Variants in CEP63 observed in about 807,000 individuals in gnomAD.
CEP63 encodes the protein centrosomal protein of 63 kDa.
A neutral mutation model predicts 89.1 loss-of-function variants in CEP63; 84 were observed. That is an observed-to-expected ratio of 0.94 (90% CI 0.79 to 1.13). The LOEUF is 1.13. Among genes scored for constraint, CEP63 ranks in the 50% most tolerant of loss-of-function variants. The probability of loss-of-function intolerance (pLI) is 0.00; values close to 1 mark genes in which losing one functional copy is unlikely to be tolerated. For synonymous variants in CEP63, 267 were observed against 272.5 expected (o/e 0.98, Z 0.20); for missense variants, 838 against 813.3 (o/e 1.03, Z -0.37).
the CEP63 span, among the ~76,000 whole-genome samples, chr3:134,670,866 G>A: frequency 3.3e-4 from 51 of 152,320 alleles, no homozygotes; most frequent in Admixed American, 1.2e-3. Flanking sequence ...ACATGGAAAC[G>A]TGTGGATGAA....
chr3:134,625,736 G>A, the CEP63 span, among the ~76,000 whole-genome samples: 3 of 152,262 alleles, frequency 2.0e-5, no homozygotes, highest in African/African-American at 7.2e-5. Context: ...GGAGACCTGA[G>A]CATCTCAACC....
chr3:134,705,267 C>T, the CEP63 span, among the ~76,000 whole-genome samples: 3 of 152,130 alleles, frequency 2.0e-5, no homozygotes, highest in Non-Finnish European at 1.5e-5. Flanking sequence ...GGTTTTTGTG[C>T]TGTGTCATAA....
chr3:134,678,566 T>G, the CEP63 span, among the ~76,000 whole-genome samples: 3 of 152,336 alleles, frequency 2.0e-5, no homozygotes, highest in Middle Eastern at 6.8e-3. Flanking sequence ...CTCCAGCCAC[T>G]CACTGTGTTT....
At chr3:134,718,092 T>G in the CEP63 span, among the ~76,000 whole-genome samples, 1 of 152,244 alleles carries the variant, frequency 6.6e-6, no homozygotes, top group East Asian at 1.9e-4. Context: ...GTGGAGGGTC[T>G]GTTAAATCCA....
At chr3:134,503,944 C>A (rs1942787899) in intron 2 of CEP63, among the ~76,000 whole-genome samples, 1 of 151,974 alleles carries the variant, frequency 6.6e-6, no homozygotes. Flanking sequence ...GATATTCAGC[C>A]ATTCTATATC....
At chr3:134,754,120 C>T in the CEP63 span, among the ~76,000 whole-genome samples, 1 of 152,186 alleles carries the variant, frequency 6.6e-6, no homozygotes, top group Non-Finnish European at 1.5e-5. Flanking sequence ...GTGAATGGCC[C>T]CTGCTGGGGT....
the CEP63 span, among the ~76,000 whole-genome samples, chr3:134,628,995 C>T: frequency 2.0e-5 from 3 of 152,322 alleles, no homozygotes; most frequent in Non-Finnish European, 2.9e-5. Flanking sequence ...TGTTACTTAA[C>T]CTGCATTCTT....
At chr3:134,505,342 C>T (rs892742386) in intron 2 of CEP63, among the ~76,000 whole-genome samples, 3 of 151,858 alleles carry the variant, frequency 2.0e-5, no homozygotes, top group Non-Finnish European at 2.9e-5. Flanking sequence ...TCAGTGGGTG[C>T]AAGAGTGTAG....
At chr3:134,674,551 C>G in the CEP63 span, among the ~76,000 whole-genome samples, 1 of 152,212 alleles carries the variant, frequency 6.6e-6, no homozygotes, top group Non-Finnish European at 1.5e-5. Flanking sequence ...TCTGCTCTTA[C>G]CATTGCTACT....
the CEP63 span, among the ~76,000 whole-genome samples, chr3:134,757,572 A>T: frequency 6.6e-6 from 1 of 152,254 alleles, no homozygotes; most frequent in African/African-American, 2.4e-5. Flanking sequence ...GAATTACTCC[A>T]AAATTTTCCA....
At chr3:134,600,454 C>G in the CEP63 span, among the ~76,000 whole-genome samples, 5 of 152,268 alleles carry the variant, frequency 3.3e-5, no homozygotes, top group South Asian at 1.0e-3. Context: ...GGAGGCTGTC[C>G]TGGTAGGACA....
At chr3:134,519,499 G>A (rs9844537) in intron 3 of CEP63, among the ~76,000 whole-genome samples, 96,348 of 151,990 alleles carry the variant, frequency 0.63, 31,255 homozygotes, top group East Asian at 0.81. Context: ...GACTTCATTG[G>A]TGAATTCTAC....
In CEP63 at chr3:134,549,054, T is replaced by A; in HGVS notation, c.1068-8T>A. ...TTTTAAGTATGGGATCTTATTTTTG[T>A]CATACAGTTTGGAATCTGTGAGTGC... On this transcript the variant is annotated splice_polypyrimidine_tract_variant and splice_region_variant and intron_variant, in intron 9 of 14. Transcript: ENST00000675561. 6.3e-7 allele frequency: 1 copy of A among 1,579,924 alleles called. No individual in the cohort carries two copies. The highest frequency in any genetic ancestry group is 8.7e-7 in the Non-Finnish European group (1 of 1,148,900).
chr3:134,605,431 G>C, the CEP63 span, among the ~76,000 whole-genome samples: 1 of 152,158 alleles, frequency 6.6e-6, no homozygotes, highest in Non-Finnish European at 1.5e-5. Context: ...TGGACTCTTG[G>C]TAGGGGAGGC....
At chr3:134,731,517 C>CA in the CEP63 span, among the ~76,000 whole-genome samples, 32 of 151,956 alleles carry the variant, frequency 2.1e-4, no homozygotes, top group African/African-American at 7.3e-4. Context: ...ACTCATGGGT[C>CA]AAAAAAGAAT....
chr3:134,531,981 C>T, intron 4 of CEP63, 41 bp downstream of exon 4: 3 of 1,383,826 alleles, frequency 2.2e-6, no homozygotes, highest in South Asian at 2.4e-5. Context: ...GTGTAGTTCT[C>T]TCTCTTTCAC....
At chr3:134,588,346 C>T (rs188517782), downstream of CEP63, among the ~76,000 whole-genome samples, 138 of 152,152 alleles carry the variant, frequency 9.1e-4, no homozygotes, top group African/African-American at 3.1e-3. Context: ...TGTTGAGACA[C>T]AAATGCTCAA....
chr3:134,513,213 G>A (rs1355668157), intron 3 of CEP63, among the ~76,000 whole-genome samples: 1 of 152,030 alleles, frequency 6.6e-6, no homozygotes. Context: ...GTGCTTCTTT[G>A]CATTCTCTGT....
chr3:134,685,412 T>C, the CEP63 span, among the ~76,000 whole-genome samples: 695 of 152,280 alleles, frequency 4.6e-3, 5 homozygotes, highest in African/African-American at 0.016. Flanking sequence ...TCACCCCTTG[T>C]ATGGGATTCT....
Sources: gnomAD v4.1 joint callset for allele counts (sites outside exome capture counted in the v4.1 genomes callset) on GRCh38, gnomAD v4.1.1 for gene constraint, MANE v1.5 for transcripts, NCBI Gene and HGNC (gene_info 2026-07-23, HGNC 2026-07-21) for gene names.